PAXIP1: variants seen among roughly 807,000 people sequenced by gnomAD.
The protein encoded by PAXIP1 is PAX interacting protein 1.
A neutral mutation model predicts 140.6 loss-of-function variants in PAXIP1; 19 were observed. That is an observed-to-expected ratio of 0.14 (90% CI 0.09 to 0.20). The LOEUF is 0.20. Among genes scored for constraint, PAXIP1 ranks in the 10% least tolerant of loss-of-function variants. PAXIP1 has a pLI of 1.00. For synonymous variants in PAXIP1, 442 were observed against 444.6 expected, an observed-to-expected ratio of 0.99 and a Z score of 0.07; for missense variants, 920 against 1,208.6, an observed-to-expected ratio of 0.76 and a Z score of 3.54.
At position 154,954,738 on chromosome 7, in the gene PAXIP1, A is replaced by G. The variant is rs1231897823; in HGVS notation, c.2653-315T>C. On this transcript the variant is annotated intron_variant, in intron 15 of 20. Transcript: ENST00000404141. This position sits in a 1 kb window ranked among gnomAD's most constrained non-coding sequence, Gnocchi z 5.1. The stretch of plus-strand genomic sequence containing the variant: ...TGAGAATGATGCAGCTCACTTCACA[A>G]TGAAGAGTAAACAGCCAAGACTTCC... 6.6e-6 allele frequency among the ~76,000 whole-genome samples: 1 copy of G among 152,238 alleles called. No homozygotes were observed. The highest frequency in any genetic ancestry group is 1.5e-5 in the Non-Finnish European group (1 of 68,042).
At chr7:154,979,075 T>C (rs1021745657) in intron 5 of PAXIP1, among the ~76,000 whole-genome samples, 1 of 152,204 alleles carries the variant, frequency 6.6e-6, no homozygotes, top group Non-Finnish European at 1.5e-5. Flanking sequence ...ACAGTAACTG[T>C]TTAAACAAAG....
Position 154,965,914 on chromosome 7 carries a change from T to C in PAXIP1, c.1893+1902A>G, listed in dbSNP as rs141913386. Among the ~76,000 whole-genome samples the C allele has an allele frequency of 3.0e-3, 461 of 152,222 alleles. 4 individuals carry two copies. The highest frequency in any genetic ancestry group is 0.011 in the African/African-American group (448 of 41,528). ...CATGTCTCTCCTCAATCTACCAGTGTTTTCGTTTGCTTGCTCCTCCTGGAA... is the reference window on the plus strand; with the variant it reads ...CATGTCTCTCCTCAATCTACCAGTGCTTTCGTTTGCTTGCTCCTCCTGGAA... On this transcript the variant is annotated intron_variant, in intron 8 of 20. Coordinates refer to ENST00000404141, the MANE Select transcript of PAXIP1 (RefSeq NM_007349.4).
intron 3 of PAXIP1, 87 bp from the exon 4 acceptor site, chr7:154,991,156 C>T: frequency 1.6e-6 from 1 of 627,370 alleles, no homozygotes; most frequent in South Asian, 2.3e-5. Context: ...ACTCCGTCCC[C>T]ACTCAGTCCA....
At chr7:154,944,516 G>T in intron 20 of PAXIP1, 1 of 176,894 alleles carries the variant, frequency 5.7e-6, no homozygotes, top group East Asian at 1.5e-4. Flanking sequence ...ACAAATAGCT[G>T]ACTCCTACTT....
At chr7:154,962,674 G>A (rs1585049204) in intron 9 of PAXIP1, 1 of 408,174 alleles carries the variant, frequency 2.4e-6, no homozygotes, top group East Asian at 4.1e-5. Context: ...GCAAACAAGA[G>A]TCTACAAAAG....
At chr7:155,002,784 AC>A in intron 1 of PAXIP1, 64 bp downstream of exon 1, 1 of 892,224 alleles carries the variant, frequency 1.1e-6, no homozygotes. Flanking sequence ...GGGGACGGGG[AC>A]GGGGACGGGG....
chr7:154,984,839 TGTTCA>T (rs1301956444), intron 4 of PAXIP1, among the ~76,000 whole-genome samples: 10 of 152,220 alleles, frequency 6.6e-5, no homozygotes, highest in African/African-American at 1.4e-4. Context: ...TTTGCCTATC[TGTTCA>T]GTTAAGTATT....
In PAXIP1 at chr7:154,969,120, GT is replaced by G; in HGVS notation, c.1080del (p.Leu360PhefsTer11). The G allele has an allele frequency of 6.8e-7, 1 of 1,462,614 alleles. No individual in the cohort carries two copies. The highest frequency in any genetic ancestry group is 9.1e-7 in the Non-Finnish European group (1 of 1,104,284). 90.6% of individuals were successfully genotyped at this position (1,462,614 alleles called of 1,614,324 possible). On this transcript the variant is annotated frameshift_variant, in exon 7 of 21. Coordinates refer to ENST00000404141, the MANE Select transcript of PAXIP1 (RefSeq NM_007349.4). LOFTEE classifies it high-confidence loss of function. ...TTTTTCGTAGGTGCTGAAAGAGTCT[GT>G]AAGATCTACAAAACAAAAGTTAGGT... Reference protein sequence around the residue: ...MNRPSNVAHILQTLSAPTKNL... With the variant: ...MNRPSNVAHIXQTLSAPTKNL...
intron 5 of PAXIP1, among the ~76,000 whole-genome samples, chr7:154,982,719 A>C (rs895638262): frequency 1.3e-5 from 2 of 152,206 alleles, no homozygotes; most frequent in East Asian, 3.8e-4. Context: ...TTACTTGTGG[A>C]AACAAAATCC....
rs201823846 is a variant in PAXIP1, at chr7:154,948,017, C to T, written c.2822-14G>A. The stretch of plus-strand genomic sequence containing the variant: ...AGTTCTGCTCATCTGGAAAACAGAA[C>T]AGCACATACTCTGAAAAGTGTGGAC... On this transcript the variant is annotated splice_polypyrimidine_tract_variant and intron_variant, in intron 16 of 20. Coordinates refer to ENST00000404141, the MANE Select transcript of PAXIP1 (RefSeq NM_007349.4). 170 of 1,562,646 alleles carry T rather than the reference C, an allele frequency of 1.1e-4. No homozygotes were observed. Among genetic ancestry groups the T allele is most frequent in the South Asian group, 6.7e-5 (6 of 90,082 alleles).
chr7:154,951,199 A>T (rs953503200), intron 16 of PAXIP1: 1 of 152,274 alleles, frequency 6.6e-6, no homozygotes, highest in African/African-American at 2.4e-5. Flanking sequence ...CCCTAATGTA[A>T]CTATGGACTT....
rs1291564199 is a variant in PAXIP1 at position 154,990,012 on chromosome 7, T to C, written c.324+994A>G. Reference sequence around the variant, plus strand: ...GGCACCTTTATGTGTCAGTCTGTCCTTCTATCGACTTGGGATAAGTTTCTC... The same window carrying C: ...GGCACCTTTATGTGTCAGTCTGTCCCTCTATCGACTTGGGATAAGTTTCTC... On this transcript the variant is annotated intron_variant, in intron 4 of 20. Transcript: ENST00000404141. Among the ~76,000 whole-genome samples, 4 of 151,988 alleles carry C rather than the reference T, an allele frequency of 2.6e-5. No individual in the cohort carries two copies. The South Asian group carries it at 6.2e-4, about 24-fold the overall frequency.
chr7:154,959,913 T>C lies in PAXIP1; in HGVS notation c.2455A>G (p.Lys819Glu), dbSNP rs1808683977. Residue 819 changes from lysine (K) to glutamate (E), a missense_variant, in exon 13 of 21, where the codon AAA (lysine) becomes GAA (glutamate). Lys to Glu is a moderately conservative substitution (Grantham distance 56). Transcript: ENST00000404141. Reference protein sequence around the residue: ...NLLDAWRVPLKVSAELLMSIR... With the variant: ...NLLDAWRVPLEVSAELLMSIR... ...ACCATCAACAACTCTGCAGACACTT[T>C]TAAGGGAACTCTCCAAGCATCTAAA... The C allele has an allele frequency of 1.2e-6, 2 of 1,604,700 alleles. No individual in the cohort carries two copies. The highest frequency in any genetic ancestry group is 4.5e-5 in the East Asian group (2 of 44,810).
intron 5 of PAXIP1, among the ~76,000 whole-genome samples, chr7:154,977,198 G>A (rs1395791964): frequency 1.3e-5 from 2 of 152,186 alleles, no homozygotes. Flanking sequence ...GGAAGGCACA[G>A]GGGAGGGAAT....
In PAXIP1 at chr7:154,975,825, A is replaced by G; in HGVS notation, c.945T>C (p.Ala315=). The G allele has an allele frequency of 1.2e-6, 2 of 1,613,974 alleles. No homozygotes were observed. Among genetic ancestry groups the G allele is most frequent in the Non-Finnish European group, 1.7e-6 (2 of 1,179,878 alleles). The change falls in exon 6 of 21, where the codon GCT becomes GCC. Residue 315 remains alanine (A), a synonymous_variant. Coordinates refer to ENST00000404141, the MANE Select transcript of PAXIP1 (RefSeq NM_007349.4). Reference sequence around the variant, plus strand: ...TTTCAGAACTTTGGAGGTTTTGTCCAGCAGCCATTAAATTACCCCGGACCT... The same window carrying G: ...TTTCAGAACTTTGGAGGTTTTGTCCGGCAGCCATTAAATTACCCCGGACCT... ...PPEVRGNLMA[A]GQNLQSSERS... is the part of the protein sequence containing the mutation.
At position 155,002,859 on chromosome 7, in the gene PAXIP1, A is replaced by C; in HGVS notation, c.71T>G (p.Ile24Ser). Reference sequence around the variant, plus strand: ...GGGCGGGCGCGGTACCTGCGGGTCGATGTCGCCCACCGCGTAATACTTGAC... The same window carrying C: ...GGGCGGGCGCGGTACCTGCGGGTCGCTGTCGCCCACCGCGTAATACTTGAC... ...REVKYYAVGD[I>S]DPQVIQLLKA... Residue 24 changes from isoleucine (I) to serine (S), a missense_variant, in exon 1 of 21, where the codon ATC (isoleucine) becomes AGC (serine). Coordinates refer to ENST00000404141, the MANE Select transcript of PAXIP1 (RefSeq NM_007349.4). 1 of 1,404,224 alleles carries C rather than the reference A, an allele frequency of 7.1e-7. No homozygotes were observed. The highest frequency in any genetic ancestry group is 9.4e-7 in the Non-Finnish European group (1 of 1,060,116). 87.0% of individuals were successfully genotyped at this position (1,404,224 alleles called of 1,614,324 possible).
chr7:154,967,766 G>C (rs1809088613), intron 8 of PAXIP1, 50 bp downstream of exon 8: 5 of 1,287,690 alleles, frequency 3.9e-6, no homozygotes, highest in Non-Finnish European at 5.6e-6. Context: ...ATCTACATAA[G>C]AAAGAAGCAT....
chr7:154,997,336 T>C (rs989935196), intron 2 of PAXIP1, among the ~76,000 whole-genome samples: 2 of 152,200 alleles, frequency 1.3e-5, no homozygotes, highest in African/African-American at 4.8e-5. Context: ...CATGGCAGCC[T>C]TGAACTCCTG....
chr7:154,996,691 A>C (rs151010760), intron 2 of PAXIP1, among the ~76,000 whole-genome samples: 160 of 152,342 alleles, frequency 1.1e-3, no homozygotes, highest in African/African-American at 3.7e-3. Context: ...AAGTGTTTAC[A>C]CATTGAAATA....
Sources: allele counts gnomAD v4.1 joint callset (sites outside exome capture counted in the v4.1 genomes callset), GRCh38; gene constraint gnomAD v4.1.1; non-coding constraint Gnocchi (gnomAD v3.1); transcripts MANE v1.5; gene names NCBI Gene and HGNC (gene_info 2026-07-23, HGNC 2026-07-21).